The following PTPN5 variants were observed in gnomAD, a reference collection of about 807,000 sequenced individuals.
The protein encoded by PTPN5 is tyrosine-protein phosphatase non-receptor type 5.
Under a neutral mutation model 73.9 loss-of-function variants are expected in PTPN5, and 29 were observed. The ratio of observed to expected loss-of-function variants is 0.39; its 90% confidence interval spans 0.29 to 0.54. PTPN5 has a LOEUF of 0.54. Among genes scored for constraint, PTPN5 ranks in the 20% least tolerant of loss-of-function variants. The pLI is 0.65. For missense variants in PTPN5, 652 were observed against 751.4 expected, an observed-to-expected ratio of 0.87 and a Z score of 1.55; for synonymous variants, 267 against 304.7, an observed-to-expected ratio of 0.88 and a Z score of 1.29.
At chr11:18,732,557 T>C (rs748993884) in intron 12 of PTPN5, 35 bp downstream of exon 12, 3 of 1,537,780 alleles carry the variant, frequency 2.0e-6, no homozygotes, top group African/African-American at 2.7e-5. Context: ...CCTACACTCA[T>C]CCTCAGCTTC....
intron 2 of PTPN5, among the ~76,000 whole-genome samples, chr11:18,768,105 G>C (rs1316597011): frequency 6.6e-6 from 1 of 152,204 alleles, no homozygotes; most frequent in Non-Finnish European, 1.5e-5. Flanking sequence ...GTTCGTAGTA[G>C]GATGTTCAAT....
chr11:18,751,969 A>G (rs1849908000), intron 3 of PTPN5, among the ~76,000 whole-genome samples: 2 of 152,148 alleles, frequency 1.3e-5, no homozygotes, highest in Non-Finnish European at 2.9e-5. Flanking sequence ...ATGGTGGCTC[A>G]CCTGTAATCC....
rs78779283 is a variant in PTPN5 at position 18,733,343 on chromosome 11, G to A, written c.1110C>T (p.Ile370=). Residue 370 remains isoleucine (I), a synonymous_variant, in exon 11 of 15, where the codon ATC becomes ATT. Transcript: ENST00000358540. This position sits in a 1 kb window ranked among gnomAD's most constrained non-coding sequence, Gnocchi z 4.3. ...RGYGGEEKVY[I]ATQGPIVSTV... is the part of the protein sequence containing the mutation. ...TGCTGACGATGGGTCCCTGAGTGGC[G>A]ATGTACACCTTCTCCTCCCCACCAT... is the stretch of plus-strand genomic sequence containing the variant. 2.5e-5 allele frequency: 40 copies of A among 1,614,044 alleles called. No individual in the cohort carries two copies. The East Asian group carries it at 3.8e-4, about 15-fold the overall frequency.
In PTPN5 at chr11:18,765,879, C is replaced by T. The variant is rs1330668087; in HGVS notation, c.25G>A (p.Glu9Lys). 3 of 1,574,308 alleles carry T rather than the reference C, an allele frequency of 1.9e-6. No individual in the cohort carries two copies. The South Asian group carries it at 3.5e-5, about 18-fold the overall frequency. The change falls in exon 3 of 15, where the codon GAG (glutamate) becomes AAG (lysine). Residue 9 changes from glutamate (E) to lysine (K), a missense_variant. Around this residue, in one of 3 missense-constraint regions of PTPN5, gnomAD observed 529 missense variants for 573.9 expected, o/e 0.92. Coordinates refer to ENST00000358540, the MANE Select transcript of PTPN5 (RefSeq NM_006906.2). Reference sequence around the variant, plus strand: ...TCATCAGCAGCGTGGTTCTCTCTCTCACTCCTGCAGCAGGATGGAAAAGGT... The same window carrying T: ...TCATCAGCAGCGTGGTTCTCTCTCTTACTCCTGCAGCAGGATGGAAAAGGT... MNYEGARS[E>K]RENHAADDSE...
At chr11:18,785,417 T>C (rs1851624354) in intron 1 of PTPN5, among the ~76,000 whole-genome samples, 1 of 152,232 alleles carries the variant, frequency 6.6e-6, no homozygotes, top group Non-Finnish European at 1.5e-5. Flanking sequence ...ATGCAGGCTA[T>C]AAACCTATAT....
At chr11:18,762,454 T>C (rs1038582232) in intron 3 of PTPN5, among the ~76,000 whole-genome samples, 2 of 152,120 alleles carry the variant, frequency 1.3e-5, no homozygotes, top group African/African-American at 2.4e-5. Flanking sequence ...GTCAGTGTCC[T>C]TGACAAACAT....
chr11:18,729,768 G>C lies in PTPN5; in HGVS notation c.1380C>G (p.Pro460=), dbSNP rs924121498. 3.1e-6 allele frequency: 5 copies of C among 1,612,204 alleles called. No individual in the cohort carries two copies. The highest frequency in any genetic ancestry group is 4.2e-6 in the Non-Finnish European group (5 of 1,178,638). Residue 460 remains proline (P), a synonymous_variant, in exon 13 of 15, where the codon CCC becomes CCG. Transcript: ENST00000358540. The surrounding 1 kb of genome is among the most constrained non-coding windows in gnomAD (Gnocchi z 5.2). ...GGGCCCGGTCTGGGGTCTTCTGGTCGGGCCAGGATGTGAACCAGTAATGCT... is the reference window on the plus strand; with the variant it reads ...GGGCCCGGTCTGGGGTCTTCTGGTCCGGCCAGGATGTGAACCAGTAATGCT... ...GLKHYWFTSW[P]DQKTPDRAPP...
intron 1 of PTPN5, among the ~76,000 whole-genome samples, chr11:18,784,340 T>C (rs117879875): frequency 0.014 from 2,087 of 152,232 alleles, 26 homozygotes; most frequent in Middle Eastern, 0.037. Context: ...GATTCTGATA[T>C]ATGATACCAC....
At chr11:18,788,935 A>T (rs1298392724) in intron 1 of PTPN5, among the ~76,000 whole-genome samples, 1 of 152,230 alleles carries the variant, frequency 6.6e-6, no homozygotes, top group Non-Finnish European at 1.5e-5. Context: ...GACACTACAT[A>T]CAAATTAATT....
At chr11:18,747,182 G>T (rs1849681900) in intron 3 of PTPN5, among the ~76,000 whole-genome samples, 1 of 149,242 alleles carries the variant, frequency 6.7e-6, no homozygotes, top group African/African-American at 2.5e-5. Flanking sequence ...ACAGAGTCTT[G>T]CTCTGTCACC....
At chr11:18,767,391 A>G (rs1295970986) in intron 2 of PTPN5, among the ~76,000 whole-genome samples, 1 of 152,216 alleles carries the variant, frequency 6.6e-6, no homozygotes, top group Non-Finnish European at 1.5e-5. Flanking sequence ...ACTCCTGCAG[A>G]GAGGAGGTCA....
intron 1 of PTPN5, among the ~76,000 whole-genome samples, chr11:18,779,563 A>G (rs998106170): frequency 3.9e-5 from 6 of 152,110 alleles, no homozygotes; most frequent in African/African-American, 1.2e-4. Context: ...TGCAGGAGCT[A>G]TAGGCACTTA....
intron 1 of PTPN5, among the ~76,000 whole-genome samples, chr11:18,784,983 A>G (rs1048711371): frequency 6.6e-6 from 1 of 152,006 alleles, no homozygotes; most frequent in Non-Finnish European, 1.5e-5. Context: ...CCTCCTGAGT[A>G]GGAGGGGCTG....
chr11:18,749,381 C>T, intron 3 of PTPN5: 1 of 518,620 alleles, frequency 1.9e-6, no homozygotes, highest in Non-Finnish European at 3.8e-6. Flanking sequence ...AGATTCAAAC[C>T]CAGGGCTTTC....
At chr11:18,759,880 G>T (rs1199469174) in intron 3 of PTPN5, among the ~76,000 whole-genome samples, 1 of 152,134 alleles carries the variant, frequency 6.6e-6, no homozygotes, top group African/African-American at 2.4e-5. Flanking sequence ...ACCAATATAA[G>T]CACCACTCTG....
At chr11:18,774,632 G>T (rs183187844) in intron 1 of PTPN5, among the ~76,000 whole-genome samples, 12 of 152,326 alleles carry the variant, frequency 7.9e-5, no homozygotes, top group Non-Finnish European at 1.6e-4. Context: ...CACCCTGCTG[G>T]GACCAAAGTA....
At chr11:18,771,862 C>T in intron 2 of PTPN5, 77 bp downstream of exon 2, 1 of 1,280,650 alleles carries the variant, frequency 7.8e-7, no homozygotes, top group Non-Finnish European at 1.1e-6. Flanking sequence ...GGTCACGTGT[C>T]CCAGAGCATC....
chr11:18,755,524 G>T (rs775699988), intron 3 of PTPN5, among the ~76,000 whole-genome samples: 3 of 152,084 alleles, frequency 2.0e-5, no homozygotes, highest in African/African-American at 7.2e-5. Context: ...AGGAGAGACA[G>T]GCCTAAGAGG....
intron 3 of PTPN5, among the ~76,000 whole-genome samples, chr11:18,759,277 C>T (rs1850286631): frequency 6.6e-6 from 1 of 152,228 alleles, no homozygotes; most frequent in Non-Finnish European, 1.5e-5. Flanking sequence ...CACTTTACGT[C>T]CATGAACTCA....
Sources: gnomAD v4.1 joint callset for allele counts (sites outside exome capture counted in the v4.1 genomes callset) on GRCh38, gnomAD v4.1.1 for gene constraint, gnomAD v4.1.1 regional missense constraint, Gnocchi (gnomAD v3.1) non-coding constraint, MANE v1.5 for transcripts, NCBI Gene and HGNC (gene_info 2026-07-23, HGNC 2026-07-21) for gene names.